Variants in DYM observed in about 807,000 individuals in gnomAD.
DYM encodes the protein dymeclin, also known as dyggve-Melchior-Clausen syndrome protein.
DYM carries 78 observed loss-of-function variants against 93.1 expected under a neutral mutation model. The ratio of observed to expected loss-of-function variants is 0.84; its 90% CI spans 0.70 to 1.01. The LOEUF (loss-of-function observed/expected upper bound fraction) is 1.01, where lower values mean the gene tolerates loss of function less well. Ranked by LOEUF, DYM falls within the 50% of genes least tolerant of loss-of-function variation. The pLI is 0.00. For synonymous variants in DYM, 321 were observed against 319.7 expected (o/e 1.00, Z -0.04); for missense variants, 789 against 845.0 (o/e 0.93, Z 0.82).
At chr18:49,240,859 T>G (rs369478011) in intron 13 of DYM, among the ~76,000 whole-genome samples, 9 of 152,220 alleles carry the variant, frequency 5.9e-5, no homozygotes, top group African/African-American at 1.9e-4. Flanking sequence ...ATCAAAAAGA[T>G]GTACTCAAGG....
At chr18:49,216,851 C>G (rs2093078222) in intron 13 of DYM, among the ~76,000 whole-genome samples, 1 of 152,226 alleles carries the variant, frequency 6.6e-6, no homozygotes, top group Non-Finnish European at 1.5e-5. Flanking sequence ...GAGTGCCTCT[C>G]CTCCTCCAAA....
chr18:49,370,624 G>C (rs1260732940), intron 5 of DYM, among the ~76,000 whole-genome samples: 2 of 152,018 alleles, frequency 1.3e-5, no homozygotes, highest in African/African-American at 4.8e-5. Flanking sequence ...AAATCAGCTG[G>C]ACATGGTGGC....
At chr18:49,195,600 C>T (rs1272239574) in intron 14 of DYM, among the ~76,000 whole-genome samples, 1 of 152,150 alleles carries the variant, frequency 6.6e-6, no homozygotes, top group Non-Finnish European at 1.5e-5. Context: ...TGCTTCTACC[C>T]AGAATTGAAG....
At chr18:49,371,184 T>A (rs2147525604) in intron 5 of DYM, among the ~76,000 whole-genome samples, 1 of 152,214 alleles carries the variant, frequency 6.6e-6, no homozygotes, top group East Asian at 1.9e-4. Flanking sequence ...TGCAAATCTC[T>A]CCCTTATTTG....
intron 16 of DYM, among the ~76,000 whole-genome samples, chr18:49,107,943 G>GGA (rs1190219509): frequency 6.6e-6 from 1 of 152,298 alleles, no homozygotes; most frequent in African/African-American, 2.4e-5. Context: ...TGTCAGACAG[G>GGA]GACATTTAAG....
chr18:49,107,706 G>C (rs1000102209), intron 16 of DYM, among the ~76,000 whole-genome samples: 3 of 152,204 alleles, frequency 2.0e-5, no homozygotes, highest in South Asian at 2.1e-4. Flanking sequence ...CAGCAGCGGA[G>C]GCTACAGAAC....
intron 8 of DYM, among the ~76,000 whole-genome samples, chr18:49,290,773 C>T (rs1306841248): frequency 6.6e-6 from 1 of 152,018 alleles, no homozygotes. Context: ...AGTGGTCATT[C>T]GTCATGGAGC....
At chr18:49,074,287 C>T (rs562564589) in intron 17 of DYM, among the ~76,000 whole-genome samples, 2 of 152,264 alleles carry the variant, frequency 1.3e-5, no homozygotes, top group South Asian at 4.1e-4. Flanking sequence ...AGTATAACAA[C>T]TACTTATATG....
chr18:49,312,977 G>A (rs1002836883), intron 8 of DYM, among the ~76,000 whole-genome samples: 1 of 152,162 alleles, frequency 6.6e-6, no homozygotes, highest in African/African-American at 2.4e-5. Flanking sequence ...AAGGCGTTAT[G>A]TACATGCACT....
chr18:49,378,770 A>G, intron 4 of DYM, 70 bp from the exon 5 acceptor site: 1 of 1,543,514 alleles, frequency 6.5e-7, no homozygotes, highest in Non-Finnish European at 8.9e-7. Flanking sequence ...CTAGTTCATG[A>G]TTTCTTCCTG....
At chr18:49,147,121 G>T (rs972388020) in intron 15 of DYM, among the ~76,000 whole-genome samples, 1 of 152,046 alleles carries the variant, frequency 6.6e-6, no homozygotes, top group Admixed American at 6.6e-5. Context: ...AATAAATGGT[G>T]CTGGGAAAAC....
intron 13 of DYM, among the ~76,000 whole-genome samples, chr18:49,222,931 A>G (rs185097682): frequency 1.3e-5 from 2 of 152,300 alleles, no homozygotes; most frequent in East Asian, 3.9e-4. Flanking sequence ...ATTTAGAATG[A>G]AAGGATTAGC....
At chr18:49,380,914 T>G (rs1472853931) in intron 3 of DYM, among the ~76,000 whole-genome samples, 9 of 152,240 alleles carry the variant, frequency 5.9e-5, no homozygotes, top group Admixed American at 5.9e-4. Flanking sequence ...AAACTGGAAA[T>G]GCAAACACTC....
At chr18:49,299,437 T>C (rs2060763315) in intron 8 of DYM, among the ~76,000 whole-genome samples, 2 of 152,202 alleles carry the variant, frequency 1.3e-5, no homozygotes, top group Admixed American at 1.3e-4. Flanking sequence ...CATCTGATAG[T>C]GTATACCACC....
At position 49,295,416 on chromosome 18, in the gene DYM, G is replaced by A. The variant is rs376005059; in HGVS notation, c.764-8800C>T. Among the ~76,000 whole-genome samples, 37 of 152,204 alleles carry A rather than the reference G, an allele frequency of 2.4e-4. No homozygotes were observed. In the South Asian group the frequency reaches 4.2e-3, roughly 17 times the overall value. On this transcript the variant is annotated intron_variant, in intron 8 of 17. Coordinates refer to ENST00000675505, the MANE Select transcript of DYM (RefSeq NM_001353214.3). ...AAATTCCAACAAATGGGATATGAAC[G>A]GGAGCAGCACATGCAACTTTCAGGT...
At chr18:49,112,151 C>T (rs1392415213) in intron 16 of DYM, among the ~76,000 whole-genome samples, 1 of 151,374 alleles carries the variant, frequency 6.6e-6, no homozygotes, top group Non-Finnish European at 1.5e-5. Context: ...GCACCCCCAC[C>T]CCTGCCAGCA....
At chr18:49,322,481 T>G (rs2062565631) in intron 8 of DYM, among the ~76,000 whole-genome samples, 1 of 152,028 alleles carries the variant, frequency 6.6e-6, no homozygotes, top group South Asian at 2.1e-4. Context: ...TCCAAAGTGG[T>G]AAGGACAGAA....
intron 17 of DYM, among the ~76,000 whole-genome samples, chr18:49,079,211 A>G (rs2077567563): frequency 6.6e-6 from 1 of 152,218 alleles, no homozygotes; most frequent in Non-Finnish European, 1.5e-5. Context: ...ATGCAAAGAA[A>G]AAAAATGAGG....
chr18:49,147,584 A>G (rs1296240533), intron 15 of DYM, among the ~76,000 whole-genome samples: 1 of 152,180 alleles, frequency 6.6e-6, no homozygotes, highest in Non-Finnish European at 1.5e-5. Flanking sequence ...CAAAAGACAC[A>G]TGAAAAAATG....
Sources: gnomAD v4.1 joint callset for allele counts (sites outside exome capture counted in the v4.1 genomes callset) on GRCh38, gnomAD v4.1.1 for gene constraint, MANE v1.5 for transcripts, NCBI Gene and HGNC (gene_info 2026-07-23, HGNC 2026-07-21) for gene names.